DCC: variants seen among roughly 807,000 people sequenced by gnomAD.
The protein encoded by DCC is DCC netrin 1 receptor.
DCC carries 58 observed loss-of-function variants against 172.5 expected under a neutral mutation model. The ratio of observed to expected loss-of-function variants is 0.34; its 90% CI spans 0.27 to 0.42. The LOEUF is 0.42. Ranked by LOEUF, DCC falls within the 10% of genes least tolerant of loss-of-function variation. DCC has a pLI of 1.00. For synonymous variants in DCC, 709 were observed against 644.5 expected (o/e 1.10, Z -1.52); for missense variants, 1,740 against 1,791.0 (o/e 0.97, Z 0.51).
At chr18:52,588,733 A>G (rs925012673) in intron 1 of DCC, among the ~76,000 whole-genome samples, 7 of 137,834 alleles carry the variant, frequency 5.1e-5, no homozygotes, top group Non-Finnish European at 1.0e-4. Context: ...GCCTGTATAA[A>G]GACCCAGTGG....
intron 1 of DCC, among the ~76,000 whole-genome samples, chr18:52,731,602 T>C (rs2036643768): frequency 1.3e-5 from 2 of 152,190 alleles, no homozygotes; most frequent in Admixed American, 1.3e-4. Context: ...CATACTATAT[T>C]AATACAGTAG....
intron 1 of DCC, among the ~76,000 whole-genome samples, chr18:52,407,567 T>A (rs1986696053): frequency 6.6e-6 from 1 of 152,032 alleles, no homozygotes; most frequent in Admixed American, 6.6e-5. Context: ...TTCAACTTTT[T>A]ATGTTCTATT....
intron 7 of DCC, among the ~76,000 whole-genome samples, chr18:53,089,777 A>G (rs1234170765): frequency 2.6e-5 from 4 of 152,194 alleles, no homozygotes; most frequent in Admixed American, 1.3e-4. Flanking sequence ...TGATGCATAA[A>G]GCAGTGAATT....
chr18:53,247,137 C>G lies in DCC; in HGVS notation c.1911+31540C>G, dbSNP rs534532379. ...CATGAAACTATACACACAGTTTGGA[C>G]TTGGAAGAGGACAACCTTAGATTAC... On this transcript the variant is annotated intron_variant, in intron 12 of 28. Coordinates refer to ENST00000442544, the MANE Select transcript of DCC (RefSeq NM_005215.4). Among the ~76,000 whole-genome samples the G allele has an allele frequency of 5.9e-5, 9 of 152,140 alleles. No individual in the cohort carries two copies. The East Asian group carries it at 1.2e-3, about 20-fold the overall frequency.
intron 5 of DCC, chr18:52,941,177 A>G (rs1404142886): frequency 6.6e-6 from 1 of 152,176 alleles, no homozygotes; most frequent in Non-Finnish European, 1.5e-5. Flanking sequence ...TACTTTTAGG[A>G]CAAAGAAAAA....
At chr18:52,996,150 A>G (rs1244027765) in intron 5 of DCC, among the ~76,000 whole-genome samples, 2 of 152,072 alleles carry the variant, frequency 1.3e-5, no homozygotes, top group Non-Finnish European at 2.9e-5. Flanking sequence ...GATGTGTAAT[A>G]GCGTAAAATT....
intron 1 of DCC, among the ~76,000 whole-genome samples, chr18:52,687,104 AC>A (rs1450145149): frequency 6.6e-6 from 1 of 151,912 alleles, no homozygotes; most frequent in African/African-American, 2.4e-5. Context: ...CTCCCCCATA[AC>A]CTTTACTCTT....
intron 6 of DCC, among the ~76,000 whole-genome samples, chr18:53,063,947 A>G (rs2144082758): frequency 1.3e-5 from 2 of 152,240 alleles, no homozygotes; most frequent in South Asian, 2.1e-4. Flanking sequence ...ATCCTACATG[A>G]GCCATTGAGA....
intron 5 of DCC, among the ~76,000 whole-genome samples, chr18:53,051,214 A>G (rs943768477): frequency 2.0e-5 from 3 of 152,100 alleles, no homozygotes; most frequent in Admixed American, 2.0e-4. Flanking sequence ...TGGGCAATGG[A>G]GAGACATTGT....
At chr18:53,355,381 G>T (rs10775506) in intron 15 of DCC, among the ~76,000 whole-genome samples, 146,726 of 152,174 alleles carry the variant, frequency 0.96, 70,971 homozygotes, top group Middle Eastern at 1. Flanking sequence ...ACCATTTTCA[G>T]GATATTGATT....
intron 2 of DCC, among the ~76,000 whole-genome samples, chr18:52,761,326 A>G (rs2037157044): frequency 6.6e-6 from 1 of 152,212 alleles, no homozygotes; most frequent in African/African-American, 2.4e-5. Context: ...CTCCCACAAC[A>G]TATGGTAATT....
At chr18:53,382,008 C>T (rs1303845439) in intron 15 of DCC, among the ~76,000 whole-genome samples, 8 of 151,640 alleles carry the variant, frequency 5.3e-5, no homozygotes, top group Non-Finnish European at 1.0e-4. Flanking sequence ...GACCTAGTGG[C>T]TCTCATACAC....
intron 7 of DCC, 98 bp from the exon 8 acceptor site, chr18:53,157,258 G>C (rs1046801106): frequency 1.4e-6 from 2 of 1,415,236 alleles, no homozygotes; most frequent in East Asian, 2.3e-5. Context: ...AGGTGACTAT[G>C]ACATGGAGAT....
At chr18:52,408,512 G>T (rs1011434384) in intron 1 of DCC, among the ~76,000 whole-genome samples, 3 of 151,878 alleles carry the variant, frequency 2.0e-5, no homozygotes, top group Non-Finnish European at 2.9e-5. Context: ...TCCTGATGTG[G>T]ACCATAAAAC....
intron 5 of DCC, among the ~76,000 whole-genome samples, chr18:53,018,688 A>G (rs542951783): frequency 6.6e-6 from 1 of 152,274 alleles, no homozygotes; most frequent in Non-Finnish European, 1.5e-5. Context: ...GTTGAAAATT[A>G]AATGTACAAA....
intron 1 of DCC, among the ~76,000 whole-genome samples, chr18:52,491,437 T>C (rs1273947291): frequency 6.6e-6 from 1 of 152,114 alleles, no homozygotes; most frequent in Non-Finnish European, 1.5e-5. Context: ...GGAAGAATTA[T>C]CTTAGGAGAT....
At chr18:52,892,982 T>C (rs77544522) in intron 2 of DCC, among the ~76,000 whole-genome samples, 5,457 of 152,166 alleles carry the variant, frequency 0.036, 129 homozygotes, top group Non-Finnish European at 0.055. Flanking sequence ...ATGGATTTTA[T>C]GGGGAGGAAA....
At chr18:52,382,849 A>T (rs1484985870) in intron 1 of DCC, among the ~76,000 whole-genome samples, 3 of 152,106 alleles carry the variant, frequency 2.0e-5, no homozygotes, top group Non-Finnish European at 4.4e-5. Flanking sequence ...TGTAGGAGGC[A>T]ATCCAGAGGT....
In DCC at chr18:53,322,084, A is replaced by G; in HGVS notation, c.2091A>G (p.Ser697=). The change falls in exon 14 of 29, where the codon TCA becomes TCG. Residue 697 remains serine, a synonymous_variant. Coordinates refer to ENST00000442544, the MANE Select transcript of DCC (RefSeq NM_005215.4). ...GAAGTCAGTACAGTTTCCAGGTGTC[A>G]GCCATGACAGTCAATGGTACTGGAC... ...EKGSQYSFQV[S]AMTVNGTGPP... 1 of 1,610,014 alleles carries G rather than the reference A, an allele frequency of 6.2e-7. No homozygotes were observed. Among genetic ancestry groups the G allele is most frequent in the Non-Finnish European group, 8.5e-7 (1 of 1,176,226 alleles).
Sources: gnomAD v4.1 joint callset for allele counts (sites outside exome capture counted in the v4.1 genomes callset) on GRCh38, gnomAD v4.1.1 for gene constraint, MANE v1.5 for transcripts, NCBI Gene and HGNC (gene_info 2026-07-23, HGNC 2026-07-21) for gene names.